Variants in NEBL observed in about 807,000 individuals in gnomAD.
NEBL encodes LIM and SH3 protein 2.
In NEBL, 122 loss-of-function variants were observed where a neutral mutation model predicts 140.2. The ratio of observed to expected loss-of-function variants is 0.87; its 90% confidence interval spans 0.75 to 1.01. NEBL has a LOEUF of 1.01. Among genes scored for constraint, NEBL ranks in the 50% least tolerant of loss-of-function variants. The pLI is 0.00. For missense variants in NEBL, 1,365 were observed against 1,231.3 expected (o/e 1.11, Z -1.62); for synonymous variants, 436 against 398.9 (o/e 1.09, Z -1.11).
chr10:21,044,817 C>T (rs1468158371), intron 2 of NEBL, among the ~76,000 whole-genome samples: 3 of 152,142 alleles, frequency 2.0e-5, no homozygotes, highest in African/African-American at 7.2e-5. Context: ...CAGGATAATC[C>T]ATCATGACAT....
At chr10:20,930,836 T>C (rs1195469665) in intron 4 of NEBL, among the ~76,000 whole-genome samples, 1 of 152,244 alleles carries the variant, frequency 6.6e-6, no homozygotes, top group African/African-American at 2.4e-5. Context: ...AAGGTTTGCC[T>C]AGAATGATGC....
intron 3 of NEBL, among the ~76,000 whole-genome samples, chr10:21,213,362 AGAT>A (rs2132237265): frequency 1.3e-5 from 2 of 152,324 alleles, no homozygotes; most frequent in African/African-American, 4.8e-5. Context: ...GATTCAAAAC[AGAT>A]GGAGATGTAG....
chr10:20,810,021 A>T (rs1564343486), intron 24 of NEBL, 123 bp from the exon 25 acceptor site: 5 of 713,390 alleles, frequency 7.0e-6, no homozygotes, highest in Non-Finnish European at 9.6e-6. Context: ...TATAAGAAGC[A>T]AACATGTAAC....
intron 4 of NEBL, among the ~76,000 whole-genome samples, chr10:20,938,239 A>C (rs1340728463): frequency 6.6e-6 from 1 of 152,098 alleles, no homozygotes; most frequent in Non-Finnish European, 1.5e-5. Context: ...TCTGAGACAA[A>C]ACTTGCAGAG....
At chr10:21,218,660 A>T (rs1469935336) in intron 3 of NEBL, among the ~76,000 whole-genome samples, 1 of 152,206 alleles carries the variant, frequency 6.6e-6, no homozygotes, top group East Asian at 1.9e-4. Context: ...TAAAAGACAG[A>T]TTAAACAGGA....
At chr10:21,202,078 G>T (rs960199979) in intron 3 of NEBL, among the ~76,000 whole-genome samples, 1 of 151,976 alleles carries the variant, frequency 6.6e-6, no homozygotes, top group Non-Finnish European at 1.5e-5. Context: ...ATGACACCAG[G>T]TAATCCACAA....
At chr10:20,878,739 G>A (rs932576681) in intron 5 of NEBL, among the ~76,000 whole-genome samples, 7 of 152,156 alleles carry the variant, frequency 4.6e-5, no homozygotes, top group Admixed American at 2.0e-4. Flanking sequence ...TGCATGCAAA[G>A]GTTGAGTCAA....
intron 9 of NEBL, among the ~76,000 whole-genome samples, chr10:20,857,790 G>A (rs1228023893): frequency 6.6e-6 from 1 of 152,118 alleles, no homozygotes; most frequent in Non-Finnish European, 1.5e-5. Flanking sequence ...TGTCAATGCA[G>A]TATAAATGCT....
intron 2 of NEBL, among the ~76,000 whole-genome samples, chr10:21,100,290 T>C (rs1315444551): frequency 6.6e-6 from 1 of 152,232 alleles, no homozygotes; most frequent in Non-Finnish European, 1.5e-5. Context: ...CGCTGTGCTG[T>C]TGACTGTGTT....
At chr10:20,808,349 TA>T (rs1187450894) in intron 26 of NEBL, among the ~76,000 whole-genome samples, 160 bp downstream of exon 26, 1,901 of 142,808 alleles carry the variant, frequency 0.013, 31 homozygotes, top group African/African-American at 0.038. Context: ...GTTTTTTCTT[TA>T]AAAAAAAAAA....
chr10:21,010,131 A>T (rs16921415), intron 3 of NEBL, among the ~76,000 whole-genome samples: 1 of 152,082 alleles, frequency 6.6e-6, no homozygotes, highest in East Asian at 1.9e-4. Flanking sequence ...TTCCCTAATG[A>T]GCCTGTTAAT....
Position 20,894,301 on chromosome 10 carries a change from C to T in NEBL, c.153+2657G>A, listed in dbSNP as rs531584647. The stretch of plus-strand genomic sequence containing the variant: ...CCTGGGCAACATAGTGAGACTCCAT[C>T]TCTACGAAAAAGAAAATGAAAATTA... On this transcript the variant is annotated intron_variant, in intron 2 of 27. Transcript: ENST00000377122. 5.5e-4 allele frequency among the ~76,000 whole-genome samples: 83 copies of T among 152,116 alleles called. 1 individual carries two copies. In the South Asian group the frequency reaches 0.013, roughly 24 times the overall value.
intron 4 of NEBL, among the ~76,000 whole-genome samples, chr10:20,931,829 C>T (rs940837382): frequency 8.5e-5 from 13 of 152,244 alleles, no homozygotes; most frequent in African/African-American, 2.6e-4. Flanking sequence ...AAGAAAGTCC[C>T]ACACTAACCA....
intron 5 of NEBL, among the ~76,000 whole-genome samples, chr10:20,871,716 TG>T (rs1419574247): frequency 6.6e-6 from 1 of 152,256 alleles, no homozygotes; most frequent in Non-Finnish European, 1.5e-5. Flanking sequence ...AGAGGTTTTA[TG>T]TTAACAAGTC....
At chr10:21,006,773 A>C (rs572622394) in intron 3 of NEBL, among the ~76,000 whole-genome samples, 1 of 152,212 alleles carries the variant, frequency 6.6e-6, no homozygotes, top group East Asian at 1.9e-4. Context: ...TTACGACATG[A>C]TTTAATTTTG....
chr10:21,176,217 G>C (rs921437170), upstream of NEBL, among the ~76,000 whole-genome samples: 22 of 151,996 alleles, frequency 1.4e-4, no homozygotes, highest in Admixed American at 1.2e-3. Context: ...TGCCCATGCT[G>C]GTCTCAAACT....
chr10:21,079,990 C>T (rs1391396553), intron 2 of NEBL, among the ~76,000 whole-genome samples: 3 of 152,198 alleles, frequency 2.0e-5, no homozygotes, highest in Non-Finnish European at 4.4e-5. Context: ...AAGTCTTACG[C>T]TATTGCTTTG....
chr10:21,271,966 T>A (rs1328423416), intron 1 of NEBL, among the ~76,000 whole-genome samples: 1 of 149,660 alleles, frequency 6.7e-6, no homozygotes, highest in East Asian at 1.9e-4. Flanking sequence ...ATAGAAACAA[T>A]TTTTTTTTTG....
chr10:20,873,987 A>G (rs745595981), intron 5 of NEBL, among the ~76,000 whole-genome samples: 2 of 152,186 alleles, frequency 1.3e-5, no homozygotes, highest in African/African-American at 2.4e-5. Flanking sequence ...ATTTTTATAC[A>G]TTTATCTTGT....
Sources: gnomAD v4.1 joint callset for allele counts (sites outside exome capture counted in the v4.1 genomes callset) on GRCh38, gnomAD v4.1.1 for gene constraint, MANE v1.5 for transcripts, NCBI Gene and HGNC (gene_info 2026-07-23, HGNC 2026-07-21) for gene names.